The following OTOGL variants were observed in gnomAD, a reference collection of about 807,000 sequenced individuals.
The protein encoded by OTOGL is otogelin like.
In OTOGL, 285 loss-of-function variants were observed where a neutral mutation model predicts 318.5. The ratio of observed to expected loss-of-function variants is 0.89; its 90% CI spans 0.81 to 0.99. The LOEUF (loss-of-function observed/expected upper bound fraction) is 0.99. Among genes scored for constraint, OTOGL ranks in the 50% least tolerant of loss-of-function variants. The pLI is 0.00. For missense variants in OTOGL, 2,899 were observed against 2,845.6 expected (o/e 1.02, Z -0.43); for synonymous variants, 987 against 936.5 (o/e 1.05, Z -0.99).
chr12:80,252,335 G>T, intron 13 of OTOGL, 134 bp downstream of exon 13: 1 of 999,522 alleles, frequency 1.0e-6, no homozygotes, highest in Non-Finnish European at 1.3e-6. Context: ...TGTAGAAGTT[G>T]GTCCTTGAAG....
At chr12:80,302,878 A>G (rs1271607617) in intron 28 of OTOGL, 95 bp downstream of exon 28, 1 of 1,133,460 alleles carries the variant, frequency 8.8e-7, no homozygotes, top group East Asian at 3.0e-5. Context: ...GTTTTCCTTT[A>G]AGAACTAGGT....
intron 34 of OTOGL, among the ~76,000 whole-genome samples, chr12:80,322,441 C>T (rs1271452533): frequency 1.3e-5 from 2 of 152,156 alleles, no homozygotes; most frequent in African/African-American, 4.8e-5. Context: ...CTCCAGGAGC[C>T]TATTGTAGTC....
chr12:80,213,730 G>T (rs1168807326), intron 4 of OTOGL, among the ~76,000 whole-genome samples: 2 of 152,148 alleles, frequency 1.3e-5, no homozygotes, highest in East Asian at 1.9e-4. Flanking sequence ...CAGGAGACTT[G>T]TACTACTTCC....
intron 50 of OTOGL, 113 bp downstream of exon 50, chr12:80,358,462 G>A: frequency 1.1e-6 from 1 of 909,798 alleles, no homozygotes; most frequent in East Asian, 2.6e-5. Flanking sequence ...TTCATTTGAT[G>A]AGCTATCCTA....
intron 13 of OTOGL, 23 bp downstream of exon 13, chr12:80,252,224 A>C: frequency 6.3e-7 from 1 of 1,588,358 alleles, no homozygotes; most frequent in Non-Finnish European, 8.6e-7. Context: ...TGAAGAAACC[A>C]TGTCTGCACT....
chr12:80,341,869 T>A, intron 43 of OTOGL, 79 bp from the exon 44 acceptor site: 1 of 947,430 alleles, frequency 1.1e-6, no homozygotes, highest in Non-Finnish European at 1.6e-6. Context: ...TCATTTAAAA[T>A]CAATTATTTA....
Position 80,151,287 on chromosome 12 carries a change from T to C in OTOGL, c.-20+51682T>C, listed in dbSNP as rs548363837. ...AGGCAAACTAAGATTTGATAGAAACTAGAAAAGGCAAGACGAGCCTAAAGT... is the reference window on the plus strand; with the variant it reads ...AGGCAAACTAAGATTTGATAGAAACCAGAAAAGGCAAGACGAGCCTAAAGT... On this transcript the variant is annotated intron_variant, in intron 1 of 58. Transcript: ENST00000547103. Among the ~76,000 whole-genome samples the C allele has an allele frequency of 3.9e-5, 6 of 152,300 alleles. No homozygotes were observed. The East Asian group carries it at 1.2e-3, about 29-fold the overall frequency.
Position 80,232,951 on chromosome 12 carries a change from T to G in OTOGL, c.671T>G (p.Leu224Arg). 1 of 1,599,320 alleles carries G rather than the reference T, an allele frequency of 6.3e-7. No homozygotes were observed. The change falls in exon 9 of 59, where the codon CTT becomes CGT. Residue 224 changes from leucine (L) to arginine (R), a missense_variant. This residue lies in a region of OTOGL where 2,607 missense variants were observed against 2,524.9 expected (regional missense o/e 1.03). Transcript: ENST00000547103. ...IFIEKLADYILVKTTFGFSLA... is the reference protein window; with the variant it reads ...IFIEKLADYIRVKTTFGFSLA... Reference sequence around the variant, plus strand: ...ATTGAGAAACTAGCTGACTACATTCTTGTGAAAACAACCTTTGGCTTTTCA... The same window carrying G: ...ATTGAGAAACTAGCTGACTACATTCGTGTGAAAACAACCTTTGGCTTTTCA...
intron 1 of OTOGL, among the ~76,000 whole-genome samples, chr12:80,187,585 T>C (rs1875380986): frequency 6.6e-6 from 1 of 152,230 alleles, no homozygotes; most frequent in Non-Finnish European, 1.5e-5. Flanking sequence ...ACTAATCACA[T>C]TGAACCTCAC....
At position 80,267,405 on chromosome 12, in the gene OTOGL, A is replaced by T. The variant is rs558234993; in HGVS notation, c.2465+78A>T. ...AATTCTTTCTTTTATATATATATAT[A>T]TATTTTTTTATTATACTTTAAGTTC... On this transcript the variant is annotated intron_variant, in intron 22 of 58. Coordinates refer to ENST00000547103, the MANE Select transcript of OTOGL (RefSeq NM_001378609.3). The T allele has an allele frequency of 3.4e-4, 227 of 673,664 alleles. 1 individual carries two copies. In the African/African-American group the frequency reaches 3.4e-3, roughly 10 times the overall value. 41.7% of individuals were successfully genotyped at this position (673,664 alleles called of 1,614,324 possible).
intron 57 of OTOGL, among the ~76,000 whole-genome samples, chr12:80,372,643 G>A (rs1394533879): frequency 6.6e-6 from 1 of 151,394 alleles, no homozygotes; most frequent in Non-Finnish European, 1.5e-5. Flanking sequence ...CTATCTGAAT[G>A]CAATATATTT....
At chr12:80,252,788 G>T (rs374802786) in intron 13 of OTOGL, among the ~76,000 whole-genome samples, 1 of 152,076 alleles carries the variant, frequency 6.6e-6, no homozygotes, top group Non-Finnish European at 1.5e-5. Context: ...GATCTGTTTG[G>T]CCTCTGCTCA....
chr12:80,170,567 G>A (rs1474140558), intron 1 of OTOGL, among the ~76,000 whole-genome samples: 1 of 151,966 alleles, frequency 6.6e-6, no homozygotes, highest in Non-Finnish European at 1.5e-5. Context: ...CTGAGTATCT[G>A]AGATTACAGG....
chr12:80,109,983 G>A (rs1206443518), intron 1 of OTOGL, among the ~76,000 whole-genome samples: 1 of 151,342 alleles, frequency 6.6e-6, no homozygotes, highest in Non-Finnish European at 1.5e-5. Context: ...GAACATGCAG[G>A]TTTGTTACAT....
At chr12:80,135,516 G>T (rs1871512301) in intron 1 of OTOGL, among the ~76,000 whole-genome samples, 1 of 151,934 alleles carries the variant, frequency 6.6e-6, no homozygotes, top group African/African-American at 2.4e-5. Context: ...CAGGTGATCT[G>T]CCTGCCTTGG....
intron 34 of OTOGL, among the ~76,000 whole-genome samples, chr12:80,322,526 T>C (rs1423306216): frequency 2.0e-5 from 3 of 152,190 alleles, no homozygotes; most frequent in Admixed American, 6.5e-5. Context: ...TTTAGATGTA[T>C]AGATGCTTTC....
rs10778730 is a variant in OTOGL at position 80,368,466 on chromosome 12, G to A, written c.6615+157G>A. Reference sequence around the variant, plus strand: ...GACACAGTTACATTTGTTACATTTTGAAGTATCTGATAATTTATGTTGTAA... The same window carrying A: ...GACACAGTTACATTTGTTACATTTTAAAGTATCTGATAATTTATGTTGTAA... On this transcript the variant is annotated intron_variant, in intron 55 of 58. Coordinates refer to ENST00000547103, the MANE Select transcript of OTOGL (RefSeq NM_001378609.3). Among the ~76,000 whole-genome samples, 107,824 of 151,218 alleles carry A rather than the reference G, an allele frequency of 0.71. 40,430 individuals are homozygous for A. The highest frequency in any genetic ancestry group is 0.84 in the Non-Finnish European group (56,921 of 67,854).
chr12:80,277,288 G>GA (rs923283694), intron 24 of OTOGL, among the ~76,000 whole-genome samples: 27 of 144,876 alleles, frequency 1.9e-4, no homozygotes, highest in African/African-American at 6.5e-4. Context: ...AACACTTCTA[G>GA]AAAAAAATCT....
In OTOGL at chr12:80,261,931, A is replaced by G. The variant is rs532946109; in HGVS notation, c.1890-38A>G. The G allele has an allele frequency of 3.1e-6, 5 of 1,597,404 alleles. No homozygotes were observed. The Middle Eastern group carries it at 6.7e-4, about 213-fold the overall frequency. ...TCTGAAGGTTATGAACAAATGAATGAGAGATACATGAAGATGAGCATTGTC... is the reference window on the plus strand; with the variant it reads ...TCTGAAGGTTATGAACAAATGAATGGGAGATACATGAAGATGAGCATTGTC... On this transcript the variant is annotated intron_variant, in intron 18 of 58. Coordinates refer to ENST00000547103, the MANE Select transcript of OTOGL (RefSeq NM_001378609.3).
Sources: gnomAD v4.1 joint callset for allele counts (sites outside exome capture counted in the v4.1 genomes callset) on GRCh38, gnomAD v4.1.1 for gene constraint, gnomAD v4.1.1 regional missense constraint, MANE v1.5 for transcripts, NCBI Gene and HGNC (gene_info 2026-07-23, HGNC 2026-07-21) for gene names.